TOE1: variants seen among roughly 807,000 people sequenced by gnomAD.
TOE1 encodes target of EGR1 protein 1.
In TOE1, 50 loss-of-function variants were observed where a neutral mutation model predicts 49.2. The observed-to-expected ratio is 1.02, with a 90% CI of 0.81 to 1.29. The LOEUF is 1.29. Ranked by LOEUF, TOE1 falls within the 50% of genes most tolerant of loss-of-function variation. TOE1 has a pLI of 0.00. For synonymous variants in TOE1, 221 were observed against 247.0 expected (o/e 0.89, Z 0.99); for missense variants, 544 against 654.4 (o/e 0.83, Z 1.84).
chr1:45,340,187 G>C lies in TOE1; in HGVS notation c.-66G>C, dbSNP rs1470256251. 6.2e-7 allele frequency: 1 copy of C among 1,613,014 alleles called. No homozygotes were observed. ...CGCCCCATCCCCGACTGCCTGAACC[G>C]CGCCAGGAGACGGACCGCAAGTCCA... On this transcript the variant is annotated 5_prime_UTR_variant, in exon 1 of 8. Coordinates refer to ENST00000372090, the MANE Select transcript of TOE1 (RefSeq NM_025077.4).
At chr1:45,340,721 A>G (rs1646892026) in intron 1 of TOE1, among the ~76,000 whole-genome samples, 1 of 152,196 alleles carries the variant, frequency 6.6e-6, no homozygotes, top group Non-Finnish European at 1.5e-5. Context: ...CCTGTGGGAT[A>G]TTAAGGGAGC....
At chr1:45,341,849 C>A in intron 4 of TOE1, 100 bp from the exon 5 acceptor site, 1 of 1,306,392 alleles carries the variant, frequency 7.7e-7, no homozygotes, top group South Asian at 1.3e-5. Flanking sequence ...CATCCTTTCC[C>A]CCCTGAGTCC....
Position 45,343,436 on chromosome 1 carries a change from C to T in TOE1, c.1267C>T (p.Pro423Ser). 1 of 1,614,134 alleles carries T rather than the reference C, an allele frequency of 6.2e-7. No homozygotes were observed. The highest frequency in any genetic ancestry group is 1.1e-5 in the South Asian group (1 of 91,074). Reference protein sequence around the residue: ...EIADRATSEVPGSQASPNPVP... With the variant: ...EIADRATSEVSGSQASPNPVP... Reference sequence around the variant, plus strand: ...AGCTGATAGAGCTACCTCAGAAGTGCCAGGGAGCCAAGCCAGTCCTAACCC... The same window carrying T: ...AGCTGATAGAGCTACCTCAGAAGTGTCAGGGAGCCAAGCCAGTCCTAACCC... Residue 423 changes from proline to serine, a missense_variant, in exon 8 of 8, where the codon CCA (proline) becomes TCA (serine). By Grantham distance (74) the Pro-to-Ser change is moderately conservative. Coordinates refer to ENST00000372090, the MANE Select transcript of TOE1 (RefSeq NM_025077.4). This position sits in a 1 kb window ranked among gnomAD's most constrained non-coding sequence, Gnocchi z 4.3.
intron 3 of TOE1, 24 bp downstream of exon 3, chr1:45,341,367 T>C: frequency 1.2e-6 from 2 of 1,614,194 alleles, no homozygotes; most frequent in Non-Finnish European, 8.5e-7. Context: ...CTTTTCTCTT[T>C]AGTGCCAGCC....
intron 1 of TOE1, 122 bp downstream of exon 1, chr1:45,340,426 C>T (rs1646855130): frequency 6.6e-6 from 10 of 1,523,980 alleles, no homozygotes; most frequent in Non-Finnish European, 8.8e-6. Context: ...CCTGAACTAG[C>T]CACGAGGAGA....
In TOE1 at chr1:45,340,286, G is replaced by GT; in HGVS notation, c.34_35insT (p.Ala12ValfsTer48). 6.2e-7 allele frequency: 1 copy of GT among 1,613,440 alleles called. No individual in the cohort carries two copies. Among genetic ancestry groups the GT allele is most frequent in the Non-Finnish European group, 8.5e-7 (1 of 1,179,924 alleles). On this transcript the variant is annotated frameshift_variant, in exon 1 of 8. Transcript: ENST00000372090. LOFTEE classifies it high-confidence loss of function. Reference sequence around the variant, plus strand: ...CGACAGTGACGATGGCGCAGTTTCAGCTCCCGCAGCTTCCGACGGTGAGCG... The same window carrying GT: ...CGACAGTGACGATGGCGCAGTTTCAGTCTCCCGCAGCTTCCGACGGTGAGCG...
chr1:45,343,136 C>T lies in TOE1; in HGVS notation c.967C>T (p.Leu323Phe), dbSNP rs1212477719. 6.2e-7 allele frequency: 1 copy of T among 1,613,856 alleles called. No individual in the cohort carries two copies. Among genetic ancestry groups the T allele is most frequent in the Non-Finnish European group, 8.5e-7 (1 of 1,180,024 alleles). ...PQCPQSHDID[L>F]IIDTDEAAAE... ...GTGTCCTCAGTCTCACGATATTGAC[C>T]TTATCATTGACACTGATGAGGCTGC... The change falls in exon 8 of 8, where the codon CTT (leucine) becomes TTT (phenylalanine). Residue 323 changes from leucine to phenylalanine, a missense_variant. Coordinates refer to ENST00000372090, the MANE Select transcript of TOE1 (RefSeq NM_025077.4). The surrounding 1 kb of genome is among the most constrained non-coding windows in gnomAD (Gnocchi z 4.3).
chr1:45,343,106 C>G lies in TOE1; in HGVS notation c.937C>G (p.Pro313Ala), dbSNP rs1557531984. 6.2e-7 allele frequency: 1 copy of G among 1,613,682 alleles called. No homozygotes were observed. The highest frequency in any genetic ancestry group is 8.5e-7 in the Non-Finnish European group (1 of 1,179,780). The change falls in exon 8 of 8, where the codon CCA becomes GCA. Residue 313 changes from proline to alanine, a missense_variant. Pro to Ala is a conservative substitution (Grantham distance 27). Coordinates refer to ENST00000372090, the MANE Select transcript of TOE1 (RefSeq NM_025077.4). The surrounding 1 kb of genome is among the most constrained non-coding windows in gnomAD (Gnocchi z 4.3). ...GGCTTATGGCTGGTGCCCCCTGGGA[C>G]CACAGTGTCCTCAGTCTCACGATAT... is the stretch of plus-strand genomic sequence containing the variant. Reference protein sequence around the residue: ...FSAYGWCPLGPQCPQSHDIDL... With the variant: ...FSAYGWCPLGAQCPQSHDIDL...
Position 45,342,457 on chromosome 1 carries a change from T to C in TOE1, c.566T>C (p.Leu189Pro). 1 of 1,614,196 alleles carries C rather than the reference T, an allele frequency of 6.2e-7. No individual in the cohort carries two copies. Among genetic ancestry groups the C allele is most frequent in the Non-Finnish European group, 8.5e-7 (1 of 1,180,046 alleles). ...ATCCGAGCCCGCCGGCCCCTGGTGCTACACAATGGCCTTATAGACTTGGTG... is the reference window on the plus strand; with the variant it reads ...ATCCGAGCCCGCCGGCCCCTGGTGCCACACAATGGCCTTATAGACTTGGTG... ...ELIRARRPLV[L>P]HNGLIDLVFL... The change falls in exon 6 of 8, where the codon CTA (leucine) becomes CCA (proline). Residue 189 changes from leucine to proline, a missense_variant. Physicochemically the swap from Leu to Pro is moderately conservative, Grantham distance 98 (BLOSUM62 -3). Coordinates refer to ENST00000372090, the MANE Select transcript of TOE1 (RefSeq NM_025077.4).
chr1:45,343,373 G>A lies in TOE1; in HGVS notation c.1204G>A (p.Asp402Asn). 1 of 1,614,024 alleles carries A rather than the reference G, an allele frequency of 6.2e-7. No individual in the cohort carries two copies. Among genetic ancestry groups the A allele is most frequent in the Non-Finnish European group, 8.5e-7 (1 of 1,179,994 alleles). Residue 402 changes from aspartate (D) to asparagine (N), a missense_variant, in exon 8 of 8, where the codon GAC (aspartate) becomes AAC (asparagine). Coordinates refer to ENST00000372090, the MANE Select transcript of TOE1 (RefSeq NM_025077.4). The surrounding 1 kb of genome is among the most constrained non-coding windows in gnomAD (Gnocchi z 4.3). ...TCACTCCAAGCAAGGCAACAAAAAT[G>A]ACTTAGAGATGGGGATTAAGGCAGC... Reference protein sequence around the residue: ...LPHSKQGNKNDLEMGIKAARP... With the variant: ...LPHSKQGNKNNLEMGIKAARP...
chr1:45,343,898 CTTTATT>C lies in TOE1; in HGVS notation c.*201_*206del, dbSNP rs1325374118. On this transcript the variant is annotated 3_prime_UTR_variant, in exon 8 of 8. Coordinates refer to ENST00000372090, the MANE Select transcript of TOE1 (RefSeq NM_025077.4). The surrounding 1 kb of genome is among the most constrained non-coding windows in gnomAD (Gnocchi z 4.3). Reference sequence around the variant, plus strand: ...GGCTGACCAGCACCTGTAACACTGACTTTATTTTTAAGTCTGAAAATGTCTTGGGAA... The same window carrying C: ...GGCTGACCAGCACCTGTAACACTGACTTTAAGTCTGAAAATGTCTTGGGAA... 3 of 484,232 alleles carry C rather than the reference CTTTATT, an allele frequency of 6.2e-6. No individual in the cohort carries two copies. Among genetic ancestry groups the C allele is most frequent in the African/African-American group, 3.9e-5 (2 of 51,914 alleles). The allele number at this position is 484,232 out of a possible 1,614,324, so 30.0% of individuals were successfully genotyped here.
chr1:45,341,174 C>T lies in TOE1; in HGVS notation c.154C>T (p.Leu52=), dbSNP rs773016302. Residue 52 remains leucine (L), a synonymous_variant, in exon 2 of 8, where the codon CTG becomes TTG. Transcript: ENST00000372090. ...NNFKEMWPSL[L]LAIKTANFVA... is the part of the protein sequence containing the mutation. ...CTTCAAGGAGATGTGGCCATCCCTCCTGCTAGCCATAAAGACAGCTAATTT... is the reference window on the plus strand; with the variant it reads ...CTTCAAGGAGATGTGGCCATCCCTCTTGCTAGCCATAAAGACAGCTAATTT... 1 of 1,614,200 alleles carries T rather than the reference C, an allele frequency of 6.2e-7. No homozygotes were observed. The highest frequency in any genetic ancestry group is 8.5e-7 in the Non-Finnish European group (1 of 1,180,030).
chr1:45,340,446 C>A, intron 1 of TOE1, 142 bp downstream of exon 1: 1 of 1,494,324 alleles, frequency 6.7e-7, no homozygotes, highest in Non-Finnish European at 8.9e-7. Context: ...ACTACAAGTT[C>A]CGTTGTACAC....
At position 45,342,403 on chromosome 1, in the gene TOE1, A is replaced by T. The variant is rs902862301; in HGVS notation, c.512A>T (p.Gln171Leu). 6.2e-7 allele frequency: 1 copy of T among 1,614,006 alleles called. No individual in the cohort carries two copies. Among genetic ancestry groups the T allele is most frequent in the African/African-American group, 1.3e-5 (1 of 74,894 alleles). ...GNDKGDESQSQSVRTLFLELI... is the reference protein window; with the variant it reads ...GNDKGDESQSLSVRTLFLELI... ...ATCTAGGGTGATGAGAGCCAGAGCC[A>T]GTCAGTACGGACCCTATTCCTGGAG... The change falls in exon 6 of 8, where the codon CAG becomes CTG. Residue 171 changes from glutamine (Q) to leucine (L), a missense_variant. Transcript: ENST00000372090.
chr1:45,343,681 G>A lies in TOE1; in HGVS notation c.1512G>A (p.Lys504=), dbSNP rs142115824. ...CCAAAGCCCACAATCAGAAGATGAA[G>A]CTCACTTGGGGCAGTAGCTGATGCA... ...RSSKAHNQKM[K]LTWGSS is the part of the protein sequence containing the mutation. The change falls in exon 8 of 8, where the codon AAG becomes AAA. Residue 504 remains lysine (K), a synonymous_variant. Coordinates refer to ENST00000372090, the MANE Select transcript of TOE1 (RefSeq NM_025077.4). This position sits in a 1 kb window ranked among gnomAD's most constrained non-coding sequence, Gnocchi z 4.3. The A allele has an allele frequency of 1.2e-6, 2 of 1,609,850 alleles. No individual in the cohort carries two copies. The highest frequency in any genetic ancestry group is 1.7e-6 in the Non-Finnish European group (2 of 1,176,416).
rs749976929 is a variant in TOE1, at chr1:45,342,581, A to G, written c.690A>G (p.Lys230=). The change falls in exon 6 of 8, where the codon AAA becomes AAG. Residue 230 remains lysine, a synonymous_variant. Transcript: ENST00000372090. ...TCCCAGCAGGCATTTATGACACCAA[A>G]TATGCTGCTGAGTTTCATGCCCGTT... ...EMFPAGIYDT[K]YAAEFHARFV... 3 of 1,614,132 alleles carry G rather than the reference A, an allele frequency of 1.9e-6. No individual in the cohort carries two copies. Among genetic ancestry groups the G allele is most frequent in the Non-Finnish European group, 2.5e-6 (3 of 1,180,036 alleles).
chr1:45,341,686 G>T (rs928504707), intron 4 of TOE1, 117 bp downstream of exon 4: 5 of 783,230 alleles, frequency 6.4e-6, no homozygotes, highest in Non-Finnish European at 9.7e-6. Context: ...TGACTTGATA[G>T]TTTTTTTTTT....
chr1:45,341,094 C>T lies in TOE1; in HGVS notation c.74C>T (p.Thr25Ile), dbSNP rs1447300611. ...CCAGGTGGTGTCAGCAAAAGCACAA[C>T]ATCTGGGGAGGAGCTAGTAGTCCAG... ...ASDGGVSKST[T>I]SGEELVVQVP... Residue 25 changes from threonine (T) to isoleucine (I), a missense_variant, in exon 2 of 8, where the codon ACA becomes ATA. Thr to Ile is a moderately conservative substitution (Grantham distance 89). Transcript: ENST00000372090. 4 of 1,614,110 alleles carry T rather than the reference C, an allele frequency of 2.5e-6. No homozygotes were observed. Among genetic ancestry groups the T allele is most frequent in the East Asian group, 2.2e-5 (1 of 44,900 alleles).
Position 45,342,575 on chromosome 1 carries a change from C to T in TOE1, c.684C>T (p.Asp228=). 6.2e-7 allele frequency: 1 copy of T among 1,614,146 alleles called. No homozygotes were observed. Among genetic ancestry groups the T allele is most frequent in the Non-Finnish European group, 8.5e-7 (1 of 1,180,038 alleles). ...AGATGTTCCCAGCAGGCATTTATGA[C>T]ACCAAATATGCTGCTGAGTTTCATG... ...LCEMFPAGIY[D]TKYAAEFHAR... Residue 228 remains aspartate (D), a synonymous_variant, in exon 6 of 8, where the codon GAC becomes GAT. Coordinates refer to ENST00000372090, the MANE Select transcript of TOE1 (RefSeq NM_025077.4).
Sources: allele counts gnomAD v4.1 joint callset (sites outside exome capture counted in the v4.1 genomes callset), GRCh38; gene constraint gnomAD v4.1.1; non-coding constraint Gnocchi (gnomAD v3.1); transcripts MANE v1.5; gene names NCBI Gene and HGNC (gene_info 2026-07-23, HGNC 2026-07-21).